Variants in DNTTIP1 observed in about 807,000 individuals in gnomAD.
DNTTIP1 encodes the protein deoxynucleotidyltransferase terminal interacting protein 1.
Under a neutral mutation model 52.9 loss-of-function variants are expected in DNTTIP1, and 22 were observed. The ratio of observed to expected loss-of-function variants is 0.42; its 90% CI spans 0.30 to 0.59. The LOEUF (loss-of-function observed/expected upper bound fraction) is 0.59, where lower values mean the gene tolerates loss of function less well. DNTTIP1 is among the 20% of genes least tolerant of loss of function. The pLI is 0.22. For synonymous variants in DNTTIP1, 136 were observed against 155.1 expected (o/e 0.88, Z 0.92); for missense variants, 286 against 435.5 (o/e 0.66, Z 3.06).
intron 4 of DNTTIP1, among the ~76,000 whole-genome samples, chr20:45,800,199 A>T (rs1009140121): frequency 1.3e-5 from 2 of 152,148 alleles, no homozygotes; most frequent in Admixed American, 1.3e-4. Context: ...GAAAAAACAT[A>T]CAGTATGTAT....
intron 4 of DNTTIP1, among the ~76,000 whole-genome samples, chr20:45,797,137 C>T (rs12480813): frequency 0.03 from 4,530 of 152,306 alleles, 186 homozygotes; most frequent in Admixed American, 0.12. Context: ...ACTCTTCTCA[C>T]AGCAGCCAGA....
chr20:45,795,241 C>T, intron 3 of DNTTIP1, 104 bp from the exon 4 acceptor site: 1 of 629,328 alleles, frequency 1.6e-6, no homozygotes, highest in South Asian at 2.1e-5. Context: ...ATCACTTTTC[C>T]CTTCTGTATG....
rs758007376 is a variant in DNTTIP1, at chr20:45,791,981, G to C, written c.-24G>C. On this transcript the variant is annotated 5_prime_UTR_variant, in exon 1 of 13. Coordinates refer to ENST00000372622, the MANE Select transcript of DNTTIP1 (RefSeq NM_052951.3). The stretch of plus-strand genomic sequence containing the variant: ...TTTCCGGCCGGTGACAGAGTCCAGC[G>C]GAGTTGTGGGGGCCGGGGGCGCCAT... The C allele has an allele frequency of 2.4e-5, 29 of 1,233,382 alleles. No homozygotes were observed. Among genetic ancestry groups the C allele is most frequent in the Non-Finnish European group, 3.0e-5 (29 of 982,650 alleles). 76.4% of individuals were successfully genotyped at this position (1,233,382 alleles called of 1,614,324 possible). A position where few individuals can be genotyped will look rare whatever the true frequency, so the allele number is the denominator to read the frequency against.
chr20:45,798,525 G>A (rs948288826), intron 4 of DNTTIP1, among the ~76,000 whole-genome samples: 3 of 150,426 alleles, frequency 2.0e-5, no homozygotes, highest in Non-Finnish European at 3.0e-5. Context: ...GCCTACCCTC[G>A]ACTGGCTTCT....
intron 4 of DNTTIP1, among the ~76,000 whole-genome samples, chr20:45,799,794 G>C (rs1393282626): frequency 1.4e-5 from 2 of 142,018 alleles, no homozygotes; most frequent in African/African-American, 2.5e-5. Context: ...TTAGGTCCCA[G>C]GTACTCAGTA....
intron 4 of DNTTIP1, among the ~76,000 whole-genome samples, chr20:45,799,952 CAAAAAA>C (rs11360135): frequency 1.6e-5 from 2 of 125,490 alleles, no homozygotes; most frequent in African/African-American, 2.9e-5. Flanking sequence ...CTAAAAATAC[CAAAAAA>C]AAAAAAAAAA....
Position 45,806,005 on chromosome 20 carries a change from C to G in DNTTIP1, c.723+639C>G, listed in dbSNP as rs569927512. 1.7e-4 allele frequency among the ~76,000 whole-genome samples: 25 copies of G among 151,206 alleles called. No individual in the cohort carries two copies. The South Asian group carries it at 5.2e-3, about 32-fold the overall frequency. ...GCTGAGGCAGGAGAATCGCTTGAAC[C>G]CAGGAGGCGGAGGTTGTGGTGAGCC... is the stretch of plus-strand genomic sequence containing the variant. On this transcript the variant is annotated intron_variant, in intron 10 of 12. Transcript: ENST00000372622.
chr20:45,811,329 T>A lies in DNTTIP1; in HGVS notation c.*134T>A. ...TGTGCCTGAGCGAGTTTGTAGTGAC[T>A]CACTGCACAGCACCCCCAGACTAGC... On this transcript the variant is annotated 3_prime_UTR_variant, in exon 13 of 13. Transcript: ENST00000372622. The A allele has an allele frequency of 1.0e-6, 1 of 958,308 alleles. No individual in the cohort carries two copies. Among genetic ancestry groups the A allele is most frequent in the Non-Finnish European group, 1.5e-6 (1 of 655,046 alleles). The allele number at this position is 958,308 out of a possible 1,614,324, so 59.4% of individuals were successfully genotyped here. A position where few individuals can be genotyped will look rare whatever the true frequency, so the allele number is the denominator to read the frequency against.
chr20:45,803,766 C>T (rs1373562005), intron 8 of DNTTIP1, among the ~76,000 whole-genome samples: 1 of 152,172 alleles, frequency 6.6e-6, no homozygotes, highest in African/African-American at 2.4e-5. Flanking sequence ...CCTTTTCTGC[C>T]AGCTTCCCTG....
intron 4 of DNTTIP1, chr20:45,796,518 G>A (rs1158252993): frequency 6.4e-6 from 3 of 471,002 alleles, no homozygotes; most frequent in African/African-American, 4.0e-5. Context: ...GCACCCTGCT[G>A]CCTCCCTGCC....
intron 6 of DNTTIP1, among the ~76,000 whole-genome samples, chr20:45,801,674 G>C (rs1219929644): frequency 1.3e-5 from 2 of 152,128 alleles, no homozygotes; most frequent in Non-Finnish European, 2.9e-5. Context: ...TGTCGTCCTA[G>C]CTACATGAGA....
rs1568708715 is a variant in DNTTIP1 at position 45,803,406 on chromosome 20, C to CA, written c.603+29dup. 2.5e-6 allele frequency: 4 copies of CA among 1,613,708 alleles called. No individual in the cohort carries two copies. The South Asian group carries it at 4.4e-5, about 18-fold the overall frequency. On this transcript the variant is annotated intron_variant, in intron 8 of 12. Transcript: ENST00000372622. ...ATGATTATGTGAGCATGGCAGAGAT[C>CA]ACGATCCCAGGAGATAGTCCCACTA...
At chr20:45,810,976 C>T (rs757895137) in intron 12 of DNTTIP1, 36 bp downstream of exon 12, 2 of 1,614,100 alleles carry the variant, frequency 1.2e-6, no homozygotes, top group Non-Finnish European at 8.5e-7. Flanking sequence ...TTCTCCTCTC[C>T]CTGCCTCCAA....
chr20:45,792,231 AG>A, intron 1 of DNTTIP1, 122 bp downstream of exon 1: 1 of 548,166 alleles, frequency 1.8e-6, no homozygotes, highest in Non-Finnish European at 2.8e-6. Flanking sequence ...GCGTTTTCGC[AG>A]CCCGACGACC....
rs976077196 is a variant in DNTTIP1 at position 45,809,328 on chromosome 20, C to A, written c.795+143C>A. The A allele has an allele frequency of 7.1e-6, 5 of 708,634 alleles. No homozygotes were observed. In the Admixed American group the frequency reaches 7.3e-5, roughly 10 times the overall value. 43.9% of individuals were successfully genotyped at this position (708,634 alleles called of 1,614,324 possible). A position where few individuals can be genotyped will look rare whatever the true frequency, so the allele number is the denominator to read the frequency against. Reference sequence around the variant, plus strand: ...GAAGAGAGACTTATAAGGCCTATTTCTTCATGCTGAAGAGCAAATTGTAAT... The same window carrying A: ...GAAGAGAGACTTATAAGGCCTATTTATTCATGCTGAAGAGCAAATTGTAAT... On this transcript the variant is annotated intron_variant, in intron 11 of 12. Transcript: ENST00000372622. The surrounding 1 kb of genome is among the most constrained non-coding windows in gnomAD (Gnocchi z 4.2).
At chr20:45,803,458 G>A (rs1163569353) in intron 8 of DNTTIP1, 80 bp downstream of exon 8, 5 of 1,529,352 alleles carry the variant, frequency 3.3e-6, no homozygotes, top group East Asian at 2.3e-5. Flanking sequence ...TGAGGGAAAG[G>A]GGCAGGGGGC....
At chr20:45,805,264 T>G (rs773411054) in intron 9 of DNTTIP1, 42 bp from the exon 10 acceptor site, 1 of 1,614,142 alleles carries the variant, frequency 6.2e-7, no homozygotes, top group Admixed American at 1.7e-5. Flanking sequence ...CTAGTAGGAC[T>G]ACACTTTCTG....
chr20:45,801,623 TA>T (rs1390011831), intron 6 of DNTTIP1, among the ~76,000 whole-genome samples, 165 bp downstream of exon 6: 1 of 151,706 alleles, frequency 6.6e-6, no homozygotes, highest in Admixed American at 6.6e-5. Context: ...ACCCTGTCTC[TA>T]AAATAAAAAA....
At chr20:45,793,888 T>G in intron 2 of DNTTIP1, 33 bp from the exon 3 acceptor site, 1 of 1,393,226 alleles carries the variant, frequency 7.2e-7, no homozygotes, top group South Asian at 1.3e-5. Flanking sequence ...GTTTGGGACA[T>G]GCCCCCTCAC....
Sources: gnomAD v4.1 joint callset for allele counts (sites outside exome capture counted in the v4.1 genomes callset) on GRCh38, gnomAD v4.1.1 for gene constraint, Gnocchi (gnomAD v3.1) non-coding constraint, MANE v1.5 for transcripts, NCBI Gene and HGNC (gene_info 2026-07-23, HGNC 2026-07-21) for gene names.